The following PIP5K1B variants were observed in gnomAD, a reference collection of about 807,000 sequenced individuals.
The protein encoded by PIP5K1B is phosphatidylinositol 4-phosphate 5-kinase type-1 beta.
PIP5K1B carries 42 observed loss-of-function variants against 67.0 expected under a neutral mutation model. That is an observed-to-expected ratio of 0.63 (90% CI 0.49 to 0.81). The LOEUF (loss-of-function observed/expected upper bound fraction) is 0.81. PIP5K1B is among the 30% of genes least tolerant of loss of function. PIP5K1B has a pLI of 0.00. For missense variants in PIP5K1B, 459 were observed against 646.3 expected (o/e 0.71, Z 3.14); for synonymous variants, 214 against 231.4 (o/e 0.92, Z 0.68).
chr9:68,760,262 T>C (rs1253049573), intron 2 of PIP5K1B, among the ~76,000 whole-genome samples: 2 of 152,064 alleles, frequency 1.3e-5, no homozygotes, highest in East Asian at 1.9e-4. Flanking sequence ...ACAACTACTC[T>C]AGTTAATCAG....
intron 1 of PIP5K1B, among the ~76,000 whole-genome samples, chr9:68,706,445 C>G (rs1348333720): frequency 6.6e-6 from 1 of 152,150 alleles, no homozygotes; most frequent in African/African-American, 2.4e-5. Flanking sequence ...TGCAGATGAG[C>G]GTGTTGTCAT....
At chr9:68,883,899 G>A (rs1318608019) in intron 6 of PIP5K1B, among the ~76,000 whole-genome samples, 5 of 151,920 alleles carry the variant, frequency 3.3e-5, no homozygotes, top group Non-Finnish European at 5.9e-5. Context: ...CACACAATGG[G>A]GAAAGGATAG....
chr9:68,806,637 A>G (rs144286729), intron 2 of PIP5K1B, among the ~76,000 whole-genome samples: 1 of 152,274 alleles, frequency 6.6e-6, no homozygotes, highest in Non-Finnish European at 1.5e-5. Flanking sequence ...TCAGCACAGG[A>G]TAATTTTCTC....
intron 11 of PIP5K1B, among the ~76,000 whole-genome samples, chr9:68,921,850 C>CATAA (rs142728686): frequency 0.11 from 16,711 of 151,962 alleles, 2,086 homozygotes; most frequent in African/African-American, 0.31. Context: ...GACTCCATGT[C>CATAA]ATAAATAAAT....
chr9:68,914,063 T>C (rs1009971747), intron 8 of PIP5K1B, among the ~76,000 whole-genome samples: 1 of 152,112 alleles, frequency 6.6e-6, no homozygotes, highest in African/African-American at 2.4e-5. Flanking sequence ...AGGAAAAATA[T>C]AAGAAAAAGT....
At chr9:68,956,432 G>A (rs1828396115) in intron 14 of PIP5K1B, among the ~76,000 whole-genome samples, 1 of 152,170 alleles carries the variant, frequency 6.6e-6, no homozygotes, top group Non-Finnish European at 1.5e-5. Context: ...TCGTGCCACT[G>A]CACTCCAGCC....
intron 4 of PIP5K1B, among the ~76,000 whole-genome samples, chr9:68,826,715 C>T (rs1177748489): frequency 6.6e-6 from 1 of 152,152 alleles, no homozygotes; most frequent in East Asian, 1.9e-4. Flanking sequence ...TGACCCAAAT[C>T]GGTGTTGAGT....
chr9:68,988,276 A>T (rs1564296173), intron 14 of PIP5K1B, among the ~76,000 whole-genome samples: 1 of 151,786 alleles, frequency 6.6e-6, no homozygotes. Flanking sequence ...TTAAAAAAAA[A>T]TTTAAAAGAA....
chr9:68,890,578 A>T (rs1012378170), intron 7 of PIP5K1B, among the ~76,000 whole-genome samples: 1 of 152,158 alleles, frequency 6.6e-6, no homozygotes, highest in Non-Finnish European at 1.5e-5. Flanking sequence ...TTAATCTCAT[A>T]TAGAAGTATA....
intron 2 of PIP5K1B, among the ~76,000 whole-genome samples, chr9:68,759,524 C>T (rs940454361): frequency 3.3e-5 from 5 of 151,730 alleles, no homozygotes; most frequent in East Asian, 1.9e-4. Flanking sequence ...AAGGGGAAAC[C>T]GAGGAATGAA....
intron 8 of PIP5K1B, among the ~76,000 whole-genome samples, chr9:68,912,890 G>C (rs565330225): frequency 6.6e-6 from 1 of 152,180 alleles, no homozygotes; most frequent in African/African-American, 2.4e-5. Context: ...ATGATTCTGA[G>C]TTAGGATATT....
chr9:68,817,508 G>T (rs1216351722), intron 2 of PIP5K1B, among the ~76,000 whole-genome samples: 1 of 152,122 alleles, frequency 6.6e-6, no homozygotes, highest in Non-Finnish European at 1.5e-5. Context: ...AGAGTGATTG[G>T]TTAAACAATG....
chr9:68,830,827 A>G (rs957776375), intron 4 of PIP5K1B, among the ~76,000 whole-genome samples: 14 of 152,092 alleles, frequency 9.2e-5, no homozygotes, highest in Admixed American at 5.2e-4. Flanking sequence ...TTTGTTTTTC[A>G]ATTAAAAGGC....
intron 14 of PIP5K1B, among the ~76,000 whole-genome samples, chr9:68,959,546 G>T (rs4744756): frequency 6.6e-6 from 1 of 151,802 alleles, no homozygotes; most frequent in African/African-American, 2.4e-5. Context: ...GCTATTTCCA[G>T]TTTTTTTGTT....
intron 4 of PIP5K1B, among the ~76,000 whole-genome samples, chr9:68,833,561 G>GC (rs1465854217): frequency 6.6e-5 from 10 of 151,460 alleles, no homozygotes; most frequent in Non-Finnish European, 8.8e-5. Flanking sequence ...CAGGGACACT[G>GC]CCCCCCCACC....
At position 68,855,684 on chromosome 9, in the gene PIP5K1B, C is replaced by G. The variant is rs977388806; in HGVS notation, c.70-8153C>G. Among the ~76,000 whole-genome samples, 8 of 152,206 alleles carry G rather than the reference C, an allele frequency of 5.3e-5. No homozygotes were observed. In the South Asian group the frequency reaches 1.7e-3, roughly 32 times the overall value. ...CAAATCCACCTCCTCTGCCCATCCT[C>G]TCGTTCATCACCCTTCTCTAAGCCA... On this transcript the variant is annotated intron_variant, in intron 4 of 15. Coordinates refer to ENST00000265382, the MANE Select transcript of PIP5K1B (RefSeq NM_003558.4).
intron 2 of PIP5K1B, chr9:68,789,159 C>T (rs1448833172): frequency 6.9e-6 from 4 of 575,922 alleles, no homozygotes; most frequent in South Asian, 3.0e-5. Flanking sequence ...CCCAGTACCT[C>T]GCCAAGGCAC....
intron 4 of PIP5K1B, among the ~76,000 whole-genome samples, chr9:68,840,032 A>G (rs1587536507): frequency 6.6e-6 from 1 of 152,254 alleles, no homozygotes; most frequent in Admixed American, 6.5e-5. Context: ...CTAGTGGGAT[A>G]AAGAGTGAAA....
chr9:68,814,008 G>A lies in PIP5K1B; in HGVS notation c.-85-4453G>A, dbSNP rs1256836419. On this transcript the variant is annotated intron_variant, in intron 2 of 15. Coordinates refer to ENST00000265382, the MANE Select transcript of PIP5K1B (RefSeq NM_003558.4). ...AACCTGTAAAAAGATGAGGGAAGGC[G>A]CACAAAATGAAAGTCCCACGCAAGA... 5.3e-5 allele frequency among the ~76,000 whole-genome samples: 8 copies of A among 152,146 alleles called. No homozygotes were observed. In the South Asian group the frequency reaches 6.2e-4, roughly 12 times the overall value.
Sources: gnomAD v4.1 joint callset for allele counts (sites outside exome capture counted in the v4.1 genomes callset) on GRCh38, gnomAD v4.1.1 for gene constraint, MANE v1.5 for transcripts, NCBI Gene and HGNC (gene_info 2026-07-23, HGNC 2026-07-21) for gene names.